Variants in NRXN1 observed in about 807,000 individuals in gnomAD.
NRXN1 encodes the protein neurexin-1.
Under a neutral mutation model 150.9 loss-of-function variants are expected in NRXN1, and 39 were observed. The ratio of observed to expected loss-of-function variants is 0.26; its 90% CI spans 0.20 to 0.34. NRXN1 has a LOEUF of 0.34. Ranked by LOEUF, NRXN1 falls within the 10% of genes least tolerant of loss-of-function variation. The pLI is 1.00. For missense variants in NRXN1, 1,815 were observed against 1,949.9 expected, an observed-to-expected ratio of 0.93 and a Z score of 1.30; for synonymous variants, 924 against 757.0, an observed-to-expected ratio of 1.22 and a Z score of -3.62.
chr2:50,801,066 T>A (rs1269219655), intron 5 of NRXN1, among the ~76,000 whole-genome samples: 3 of 152,142 alleles, frequency 2.0e-5, no homozygotes, highest in Non-Finnish European at 4.4e-5. Flanking sequence ...AGCAAAGTTA[T>A]TTTTTTCCAA....
At chr2:50,988,079 G>A (rs552177560) in intron 2 of NRXN1, among the ~76,000 whole-genome samples, 2 of 151,944 alleles carry the variant, frequency 1.3e-5, no homozygotes, top group African/African-American at 4.8e-5. Flanking sequence ...GGATAGTTCT[G>A]ATGCAACAGT....
intron 5 of NRXN1, among the ~76,000 whole-genome samples, chr2:50,834,101 T>C (rs1038914714): frequency 4.6e-5 from 7 of 152,176 alleles, no homozygotes; most frequent in Non-Finnish European, 8.8e-5. Flanking sequence ...ATTGACCTAA[T>C]TGGCAAATTT....
At chr2:50,793,988 T>C (rs1706431357) in intron 5 of NRXN1, among the ~76,000 whole-genome samples, 1 of 151,796 alleles carries the variant, frequency 6.6e-6, no homozygotes, top group African/African-American at 2.4e-5. Flanking sequence ...ACAAGTGGAG[T>C]GGTGGTTGCT....
chr2:49,982,978 C>T (rs1023613777), intron 21 of NRXN1, among the ~76,000 whole-genome samples: 2 of 152,108 alleles, frequency 1.3e-5, no homozygotes, highest in Non-Finnish European at 2.9e-5. Flanking sequence ...CATGAACATG[C>T]TGTCTTTTCT....
chr2:50,586,862 T>A (rs1673197502), intron 8 of NRXN1, among the ~76,000 whole-genome samples: 1 of 152,192 alleles, frequency 6.6e-6, no homozygotes, highest in Non-Finnish European at 1.5e-5. Context: ...CCTGTTATAG[T>A]AATTAGCTTT....
intron 5 of NRXN1, among the ~76,000 whole-genome samples, chr2:50,700,804 A>AT (rs34882608): frequency 0.014 from 1,959 of 144,282 alleles, 19 homozygotes; most frequent in Non-Finnish European, 0.02. Flanking sequence ...TGGGATCAAG[A>AT]TTTTTTTTTT....
At chr2:50,801,736 A>G (rs1055410398) in intron 5 of NRXN1, among the ~76,000 whole-genome samples, 46 of 152,248 alleles carry the variant, frequency 3.0e-4, no homozygotes, top group African/African-American at 1.1e-3. Flanking sequence ...TCATTATTTC[A>G]AGGCTGGGTT....
At chr2:50,104,665 G>C (rs1019566387) in intron 18 of NRXN1, among the ~76,000 whole-genome samples, 1 of 151,994 alleles carries the variant, frequency 6.6e-6, no homozygotes, top group South Asian at 2.1e-4. Flanking sequence ...TCATTTAAAT[G>C]ATGAGGAAGC....
At position 50,398,634 on chromosome 2, in the gene NRXN1, T is replaced by C. The variant is rs2082199173; in HGVS notation, c.3364+66808A>G. Among the ~76,000 whole-genome samples the C allele has an allele frequency of 2.6e-5, 4 of 152,278 alleles. No homozygotes were observed. The South Asian group carries it at 6.2e-4, about 24-fold the overall frequency. On this transcript the variant is annotated intron_variant, in intron 17 of 22. Coordinates refer to ENST00000401669, the MANE Select transcript of NRXN1 (RefSeq NM_001330078.2). The stretch of plus-strand genomic sequence containing the variant: ...AATTAACATACACAGTCATTTTCCC[T>C]GTGTAGAGAAGTCCAAAAACTGTTT...
At chr2:50,418,052 G>A (rs1425339311) in intron 17 of NRXN1, among the ~76,000 whole-genome samples, 5 of 151,978 alleles carry the variant, frequency 3.3e-5, no homozygotes, top group African/African-American at 4.8e-5. Flanking sequence ...AGGTCTAACC[G>A]AGAGGTCACC....
chr2:50,713,452 C>A (rs1574209103), intron 5 of NRXN1, among the ~76,000 whole-genome samples: 1 of 152,072 alleles, frequency 6.6e-6, no homozygotes, highest in Non-Finnish European at 1.5e-5. Flanking sequence ...TTCAAAAGAG[C>A]CTAGATCTGG....
rs963086344 is a variant in NRXN1 at position 50,292,165 on chromosome 2, A to G, written c.3365-55195T>C. Among the ~76,000 whole-genome samples, 3 of 152,150 alleles carry G rather than the reference A, an allele frequency of 2.0e-5. No homozygotes were observed. The East Asian group carries it at 5.8e-4, about 29-fold the overall frequency. On this transcript the variant is annotated intron_variant, in intron 17 of 22. Transcript: ENST00000401669. The stretch of plus-strand genomic sequence containing the variant: ...TTGCTATTAGTAAAGGAGGTTTTTT[A>G]CATTTTAAAACAGTTGACAAGAAAT...
At chr2:50,252,942 G>C (rs906600963) in intron 17 of NRXN1, among the ~76,000 whole-genome samples, 1 of 152,112 alleles carries the variant, frequency 6.6e-6, no homozygotes, top group Non-Finnish European at 1.5e-5. Context: ...TTCTAATTCT[G>C]TAAAGAATGT....
At chr2:50,939,210 CAAAAAAA>C (rs78496825) in intron 2 of NRXN1, among the ~76,000 whole-genome samples, 73 of 68,300 alleles carry the variant, frequency 1.1e-3, no homozygotes, top group African/African-American at 2.9e-3. Flanking sequence ...GACTCCATCT[CAAAAAAA>C]AAAAAAAAAA....
chr2:51,001,167 G>A (rs961938861), intron 2 of NRXN1, among the ~76,000 whole-genome samples: 2 of 132,144 alleles, frequency 1.5e-5, no homozygotes, highest in East Asian at 4.9e-4. Flanking sequence ...ACACAGTAAA[G>A]CTCAAATCGA....
At chr2:50,282,321 T>G (rs1055416659) in intron 17 of NRXN1, among the ~76,000 whole-genome samples, 1 of 152,158 alleles carries the variant, frequency 6.6e-6, no homozygotes, top group Non-Finnish European at 1.5e-5. Flanking sequence ...CAGTCAGCAA[T>G]GTAGAGTATT....
At chr2:50,590,550 C>T (rs544861861) in intron 8 of NRXN1, among the ~76,000 whole-genome samples, 2 of 152,022 alleles carry the variant, frequency 1.3e-5, no homozygotes, top group African/African-American at 4.8e-5. Flanking sequence ...AATATGTGTG[C>T]CCCCTCTCCA....
chr2:50,350,430 G>C (rs1223099209), intron 17 of NRXN1, among the ~76,000 whole-genome samples: 1 of 152,164 alleles, frequency 6.6e-6, no homozygotes, highest in East Asian at 1.9e-4. Context: ...CTTGTTTACA[G>C]TGTGAGAGCT....
chr2:49,951,293 G>A (rs1206865282), intron 21 of NRXN1, among the ~76,000 whole-genome samples: 1 of 151,822 alleles, frequency 6.6e-6, no homozygotes, highest in Non-Finnish European at 1.5e-5. Context: ...CTACAAATAA[G>A]GAACCTGCTG....
Sources: allele counts gnomAD v4.1 joint callset (sites outside exome capture counted in the v4.1 genomes callset), GRCh38; gene constraint gnomAD v4.1.1; transcripts MANE v1.5; gene names NCBI Gene and HGNC (gene_info 2026-07-23, HGNC 2026-07-21).